CCDC138: variants seen among roughly 807,000 people sequenced by gnomAD.
The protein encoded by CCDC138 is coiled-coil domain-containing protein 138.
Under a neutral mutation model 82.3 loss-of-function variants are expected in CCDC138, and 66 were observed. The ratio of observed to expected loss-of-function variants is 0.80; its 90% confidence interval spans 0.66 to 0.98. The LOEUF (loss-of-function observed/expected upper bound fraction) is 0.98, where lower values mean the gene tolerates loss of function less well. Among genes scored for constraint, CCDC138 ranks in the 50% least tolerant of loss-of-function variants. CCDC138 has a pLI of 0.00. For missense variants in CCDC138, 816 were observed against 758.9 expected (o/e 1.08, Z -0.88); for synonymous variants, 297 against 265.4 (o/e 1.12, Z -1.16).
chr2:108,856,679 AT>A (rs1162066106), intron 12 of CCDC138, 114 bp from the exon 13 acceptor site: 2 of 944,480 alleles, frequency 2.1e-6, no homozygotes, highest in Admixed American at 2.5e-5. Context: ...CTCTTATTTA[AT>A]TTTTGTTTGT....
At chr2:108,878,024 T>G (rs1696142963), downstream of CCDC138, among the ~76,000 whole-genome samples, 1 of 152,210 alleles carries the variant, frequency 6.6e-6, no homozygotes, top group African/African-American at 2.4e-5. Flanking sequence ...AATGACAGCT[T>G]CAGACATTCA....
At position 108,873,313 on chromosome 2, in the gene CCDC138, C is replaced by T. The variant is rs576412374; in HGVS notation, c.1694-138C>T. 1.0e-4 allele frequency: 75 copies of T among 746,748 alleles called. 1 individual carries two copies. The African/African-American group carries it at 1.3e-3, about 13-fold the overall frequency. 46.3% of individuals were successfully genotyped at this position (746,748 alleles called of 1,614,324 possible). A position where few individuals can be genotyped will look rare whatever the true frequency, so the allele number is the denominator to read the frequency against. On this transcript the variant is annotated intron_variant, in intron 13 of 14. Coordinates refer to ENST00000295124, the MANE Select transcript of CCDC138 (RefSeq NM_144978.3). Reference sequence around the variant, plus strand: ...AATTTTTCAAATGATGATATTTTCACTCAAAAATTTAAGTATGAAAAGAAT... The same window carrying T: ...AATTTTTCAAATGATGATATTTTCATTCAAAAATTTAAGTATGAAAAGAAT...
chr2:108,861,493 T>G (rs1197003587), intron 13 of CCDC138, among the ~76,000 whole-genome samples: 1 of 84,798 alleles, frequency 1.2e-5, no homozygotes, highest in African/African-American at 3.6e-5. Flanking sequence ...TTTTTTTTTT[T>G]TTTTTGAGAT....
chr2:108,812,808 A>G lies in CCDC138; in HGVS notation c.934-12A>G, dbSNP rs1348375933. On this transcript the variant is annotated splice_polypyrimidine_tract_variant and intron_variant, in intron 8 of 14. Transcript: ENST00000295124. ...CAATTGTTCTTTAATTCACGCATAT[A>G]TACTGTTGCAGAGGAAGTACGAGTT... 2 of 1,612,542 alleles carry G rather than the reference A, an allele frequency of 1.2e-6. No homozygotes were observed. The highest frequency in any genetic ancestry group is 2.7e-5 in the African/African-American group (2 of 74,794).
chr2:108,833,653 T>C (rs1009887206), intron 10 of CCDC138, among the ~76,000 whole-genome samples: 1 of 151,948 alleles, frequency 6.6e-6, no homozygotes, highest in Non-Finnish European at 1.5e-5. Context: ...ATACCAGTAC[T>C]TACATAATAA....
chr2:108,834,106 C>T (rs1175472112), intron 10 of CCDC138, among the ~76,000 whole-genome samples: 1 of 151,442 alleles, frequency 6.6e-6, no homozygotes, highest in Non-Finnish European at 1.5e-5. Flanking sequence ...TTGAGGGTAT[C>T]ATTTTACTTA....
chr2:108,837,451 T>C (rs1034948981), intron 10 of CCDC138, among the ~76,000 whole-genome samples: 1 of 152,200 alleles, frequency 6.6e-6, no homozygotes, highest in African/African-American at 2.4e-5. Flanking sequence ...TTTAAGACAA[T>C]GGTAGACCGT....
At position 108,805,500 on chromosome 2, in the gene CCDC138, C is replaced by T. The variant is rs527720154; in HGVS notation, c.855+492C>T. ...CAGCACTTTGGGAGGCTGAGGTGGG[C>T]GGATCACGAGGTCAGGAGTTCGAGA... On this transcript the variant is annotated intron_variant, in intron 7 of 14. Transcript: ENST00000295124. Among the ~76,000 whole-genome samples, 23 of 151,656 alleles carry T rather than the reference C, an allele frequency of 1.5e-4. No individual in the cohort carries two copies. The South Asian group carries it at 4.4e-3, about 29-fold the overall frequency.
rs370114556 is a variant in CCDC138 at position 108,812,692 on chromosome 2, G to T, written c.917G>T (p.Arg306Leu). The T allele has an allele frequency of 6.2e-7, 1 of 1,609,762 alleles. No individual in the cohort carries two copies. The change falls in exon 8 of 15, where the codon CGT (arginine) becomes CTT (leucine). Residue 306 changes from arginine (R) to leucine (L), a missense_variant. Physicochemically the swap from Arg to Leu is moderately radical, Grantham distance 102. Transcript: ENST00000295124. Reference protein sequence around the residue: ...IDIQAKRVQARLDNLQRKYEF... With the variant: ...IDIQAKRVQALLDNLQRKYEF... ...ATTCAGGCTAAAAGAGTTCAAGCTCGTTTAGATAATTTACAGGTAAGTTGC... is the reference window on the plus strand; with the variant it reads ...ATTCAGGCTAAAAGAGTTCAAGCTCTTTTAGATAATTTACAGGTAAGTTGC...
chr2:108,874,605 A>G (rs1476015607), intron 14 of CCDC138, among the ~76,000 whole-genome samples: 1 of 152,168 alleles, frequency 6.6e-6, no homozygotes, highest in African/African-American at 2.4e-5. Flanking sequence ...CCAGGCTTCC[A>G]TATGCTTGAG....
At chr2:108,837,137 T>A (rs1402277802) in intron 10 of CCDC138, among the ~76,000 whole-genome samples, 2 of 152,294 alleles carry the variant, frequency 1.3e-5, no homozygotes, top group Admixed American at 6.5e-5. Context: ...GAGGAAAGGC[T>A]TTCATTCTTT....
At chr2:108,810,909 T>TA (rs1309986645) in intron 7 of CCDC138, among the ~76,000 whole-genome samples, 1 of 152,172 alleles carries the variant, frequency 6.6e-6, no homozygotes, top group Non-Finnish European at 1.5e-5. Context: ...GGTTCAGTCT[T>TA]ACGTTATATG....
At chr2:108,800,607 G>C (rs1267154238) in intron 6 of CCDC138, among the ~76,000 whole-genome samples, 38 of 55,334 alleles carry the variant, frequency 6.9e-4, no homozygotes, top group African/African-American at 3.1e-3. Context: ...TCTCAGTTTA[G>C]CTTTTTTTTT....
intron 2 of CCDC138, chr2:108,883,451 A>C (rs866042459): frequency 6.6e-6 from 1 of 152,218 alleles, no homozygotes; most frequent in South Asian, 2.1e-4. Flanking sequence ...TGACATATAG[A>C]TGAGATGAAG....
chr2:108,830,044 A>G (rs1438341006), intron 10 of CCDC138, among the ~76,000 whole-genome samples: 1 of 152,226 alleles, frequency 6.6e-6, no homozygotes, highest in Non-Finnish European at 1.5e-5. Context: ...GGATGAGTGG[A>G]TAAACAAGAT....
intron 10 of CCDC138, among the ~76,000 whole-genome samples, chr2:108,837,255 A>G (rs1418765037): frequency 6.6e-6 from 1 of 152,114 alleles, no homozygotes; most frequent in Non-Finnish European, 1.5e-5. Flanking sequence ...AGGGCGTTGA[A>G]TCTTGTTCAG....
At chr2:108,852,297 G>C (rs1347659293) in intron 12 of CCDC138, among the ~76,000 whole-genome samples, 1 of 152,184 alleles carries the variant, frequency 6.6e-6, no homozygotes, top group Non-Finnish European at 1.5e-5. Context: ...CTTGTACACT[G>C]TTTGTGGGAG....
intron 10 of CCDC138, among the ~76,000 whole-genome samples, chr2:108,838,853 C>CA (rs1321445230): frequency 6.6e-6 from 1 of 151,806 alleles, no homozygotes; most frequent in Non-Finnish European, 1.5e-5. Flanking sequence ...TATGCCATGG[C>CA]AATAAATATA....
intron 11 of CCDC138, among the ~76,000 whole-genome samples, chr2:108,843,879 T>TGTGTGTGTGTGTGTGTGTG (rs70956281): frequency 7.9e-6 from 1 of 126,206 alleles, no homozygotes; most frequent in African/African-American, 2.7e-5. Context: ...TGTGTGTGTG[T>TGTGTGTGTGTGTGTGTGTG]TTCTTTCTTT....
Sources: gnomAD v4.1 joint callset for allele counts (sites outside exome capture counted in the v4.1 genomes callset) on GRCh38, gnomAD v4.1.1 for gene constraint, MANE v1.5 for transcripts, NCBI Gene and HGNC (gene_info 2026-07-23, HGNC 2026-07-21) for gene names.